The following CERS6 variants were observed in gnomAD, a reference collection of about 807,000 sequenced individuals.
CERS6 encodes LAG1 homolog, ceramide synthase 6.
In CERS6, 26 loss-of-function variants were observed where a neutral mutation model predicts 56.8. That is an observed-to-expected ratio of 0.46 (90% CI 0.34 to 0.63). The LOEUF is 0.63. CERS6 is among the 30% of genes least tolerant of loss of function. The probability of loss-of-function intolerance (pLI) is 0.01; values close to 1 mark genes in which losing one functional copy is unlikely to be tolerated. For synonymous variants in CERS6, 164 were observed against 173.3 expected, an observed-to-expected ratio of 0.95 and a Z score of 0.42; for missense variants, 415 against 467.5, an observed-to-expected ratio of 0.89 and a Z score of 1.04.
chr2:168,732,129 G>A (rs1183102205), intron 8 of CERS6, among the ~76,000 whole-genome samples: 2 of 152,084 alleles, frequency 1.3e-5, no homozygotes, highest in African/African-American at 2.4e-5. Flanking sequence ...CCATATGATT[G>A]CATTTATTTC....
intron 3 of CERS6, among the ~76,000 whole-genome samples, chr2:168,630,605 A>G (rs1684692619): frequency 6.6e-6 from 1 of 152,174 alleles, no homozygotes; most frequent in African/African-American, 2.4e-5. Flanking sequence ...TATGAACTTC[A>G]GTTAACTCCA....
intron 3 of CERS6, among the ~76,000 whole-genome samples, chr2:168,570,495 A>T (rs1010104823): frequency 1.3e-5 from 2 of 152,186 alleles, no homozygotes; most frequent in East Asian, 1.9e-4. Flanking sequence ...CTGCACCAGG[A>T]GGGACAGAGG....
At chr2:168,523,347 C>G (rs1435252340) in intron 1 of CERS6, among the ~76,000 whole-genome samples, 1 of 152,132 alleles carries the variant, frequency 6.6e-6, no homozygotes, top group Non-Finnish European at 1.5e-5. Context: ...CTAGTACCCC[C>G]AGTAAACTTC....
rs866696235 is a variant in CERS6, at chr2:168,467,126, A to T, written c.170+10508A>T. Among the ~76,000 whole-genome samples, 3 of 152,210 alleles carry T rather than the reference A, an allele frequency of 2.0e-5. No individual in the cohort carries two copies. The South Asian group carries it at 6.2e-4, about 32-fold the overall frequency. ...CTGATACAGACCCTTTCTTAAAGAC[A>T]CGGGGAAGTCTTTGAGAGAAGAGGA... is the stretch of plus-strand genomic sequence containing the variant. On this transcript the variant is annotated intron_variant, in intron 1 of 9. Transcript: ENST00000305747.
intron 4 of CERS6, among the ~76,000 whole-genome samples, chr2:168,684,659 A>C (rs115357279): frequency 0.013 from 2,037 of 152,330 alleles, 25 homozygotes; most frequent in Middle Eastern, 0.031. Flanking sequence ...GTTGAGAGGC[A>C]ATCACAGATC....
intron 1 of CERS6, among the ~76,000 whole-genome samples, chr2:168,467,326 G>A (rs1403290698): frequency 1.3e-5 from 2 of 152,204 alleles, no homozygotes; most frequent in Non-Finnish European, 2.9e-5. Context: ...GGTGGTTTAA[G>A]CAGTGGCAGT....
At chr2:168,735,880 C>CAA (rs145418479) in intron 8 of CERS6, among the ~76,000 whole-genome samples, 16,063 of 106,520 alleles carry the variant, frequency 0.15, 1,585 homozygotes, top group South Asian at 0.23. Context: ...GACCCTGTCT[C>CAA]AAAAAAAAAA....
intron 7 of CERS6, among the ~76,000 whole-genome samples, chr2:168,717,623 T>C (rs1687256868): frequency 6.6e-6 from 1 of 152,214 alleles, no homozygotes; most frequent in Non-Finnish European, 1.5e-5. Context: ...GGTTGCTGAA[T>C]ATTTTATTAA....
chr2:168,490,282 A>G (rs1180514365), intron 1 of CERS6, among the ~76,000 whole-genome samples: 1 of 152,060 alleles, frequency 6.6e-6, no homozygotes, highest in East Asian at 1.9e-4. Context: ...TGATTCCCCC[A>G]TCCTCTTTGG....
At chr2:168,465,299 A>C (rs1400520814) in intron 1 of CERS6, among the ~76,000 whole-genome samples, 1 of 152,160 alleles carries the variant, frequency 6.6e-6, no homozygotes, top group Non-Finnish European at 1.5e-5. Context: ...CAGATTTACT[A>C]TCTGGTTAGG....
At chr2:168,553,122 G>A (rs899000126) in intron 2 of CERS6, among the ~76,000 whole-genome samples, 1 of 151,980 alleles carries the variant, frequency 6.6e-6, no homozygotes, top group Non-Finnish European at 1.5e-5. Context: ...TGGGAAGAAG[G>A]CAGGAAACAC....
intron 1 of CERS6, among the ~76,000 whole-genome samples, chr2:168,542,313 A>G (rs900469499): frequency 6.6e-6 from 1 of 152,258 alleles, no homozygotes; most frequent in Non-Finnish European, 1.5e-5. Flanking sequence ...CCAGTTACCT[A>G]TAATGGTAAC....
chr2:168,680,526 C>T (rs1039294468), intron 4 of CERS6, among the ~76,000 whole-genome samples: 2 of 152,162 alleles, frequency 1.3e-5, no homozygotes, highest in African/African-American at 2.4e-5. Context: ...TCTATAACTA[C>T]CCGGCCCCTC....
intron 3 of CERS6, among the ~76,000 whole-genome samples, chr2:168,580,891 G>A (rs1647560242): frequency 6.6e-6 from 1 of 151,932 alleles, no homozygotes; most frequent in African/African-American, 2.4e-5. Context: ...TGAAGATAAT[G>A]CCCTTTTTAT....
chr2:168,558,452 A>G (rs970110635), intron 2 of CERS6, among the ~76,000 whole-genome samples: 1 of 152,222 alleles, frequency 6.6e-6, no homozygotes, highest in Non-Finnish European at 1.5e-5. Context: ...ATATTGCAAT[A>G]TACATTGTAA....
At chr2:168,712,639 T>C (rs1687121766) in intron 6 of CERS6, among the ~76,000 whole-genome samples, 1 of 152,224 alleles carries the variant, frequency 6.6e-6, no homozygotes, top group African/African-American at 2.4e-5. Flanking sequence ...TTTTAAATAG[T>C]GGTAATAGAT....
At chr2:168,672,721 C>A (rs1335403572) in intron 4 of CERS6, among the ~76,000 whole-genome samples, 2 of 152,164 alleles carry the variant, frequency 1.3e-5, no homozygotes, top group East Asian at 3.9e-4. Context: ...GAAGCTTTAT[C>A]TTATATTCAG....
intron 1 of CERS6, among the ~76,000 whole-genome samples, chr2:168,524,121 T>C (rs182068342): frequency 6.6e-6 from 1 of 152,206 alleles, no homozygotes; most frequent in East Asian, 1.9e-4. Context: ...CGTGTGTGTG[T>C]CTGACATCTA....
At chr2:168,694,861 G>A in intron 5 of CERS6, 98 bp from the exon 6 acceptor site, 1 of 893,922 alleles carries the variant, frequency 1.1e-6, no homozygotes, top group Non-Finnish European at 1.8e-6. Flanking sequence ...GCAGGTGCAA[G>A]ACCATGTTAC....
Sources: allele counts gnomAD v4.1 joint callset (sites outside exome capture counted in the v4.1 genomes callset), GRCh38; gene constraint gnomAD v4.1.1; transcripts MANE v1.5; gene names NCBI Gene and HGNC (gene_info 2026-07-23, HGNC 2026-07-21).